The following GALNT7 variants were observed in gnomAD, a reference collection of about 807,000 sequenced individuals.
The protein encoded by GALNT7 is N-acetylgalactosaminyltransferase 7.
Under a neutral mutation model 82.1 loss-of-function variants are expected in GALNT7, and 60 were observed. The observed-to-expected ratio is 0.73, with a 90% CI of 0.59 to 0.91. The LOEUF is 0.91. Ranked by LOEUF, GALNT7 falls within the 40% of genes least tolerant of loss-of-function variation. The pLI, the probability that GALNT7 is intolerant of heterozygous loss-of-function variation, is 0.00. For missense variants in GALNT7, 660 were observed against 804.2 expected (o/e 0.82, Z 2.17); for synonymous variants, 243 against 275.1 (o/e 0.88, Z 1.15).
At chr4:173,234,484 C>T (rs1307197078) in intron 1 of GALNT7, among the ~76,000 whole-genome samples, 1 of 152,218 alleles carries the variant, frequency 6.6e-6, no homozygotes, top group African/African-American at 2.4e-5. Flanking sequence ...TTTCCTCTCT[C>T]AGTGAATAGT....
chr4:173,265,877 G>A (rs1735469910), intron 2 of GALNT7, among the ~76,000 whole-genome samples: 1 of 151,960 alleles, frequency 6.6e-6, no homozygotes, highest in African/African-American at 2.4e-5. Context: ...GCATAAGATT[G>A]CACTTTGGGA....
intron 8 of GALNT7, among the ~76,000 whole-genome samples, chr4:173,313,112 C>G (rs952341504): frequency 1.3e-5 from 2 of 152,004 alleles, no homozygotes; most frequent in African/African-American, 4.8e-5. Flanking sequence ...GGAAAATACC[C>G]AGTCCATTTG....
At chr4:173,276,041 C>A (rs1193174447) in intron 2 of GALNT7, among the ~76,000 whole-genome samples, 1 of 152,204 alleles carries the variant, frequency 6.6e-6, no homozygotes, top group Non-Finnish European at 1.5e-5. Flanking sequence ...GAAAGGCAGA[C>A]CCATCCATTA....
At chr4:173,192,733 T>C (rs1482192710) in intron 1 of GALNT7, among the ~76,000 whole-genome samples, 1 of 152,230 alleles carries the variant, frequency 6.6e-6, no homozygotes, top group Admixed American at 6.5e-5. Flanking sequence ...TCTCCACGTA[T>C]AAAATTTGAA....
At chr4:173,216,723 A>ATT (rs1561157857) in intron 1 of GALNT7, among the ~76,000 whole-genome samples, 2 of 8,464 alleles carry the variant, frequency 2.4e-4, no homozygotes, top group Non-Finnish European at 8.0e-4. Context: ...ATATATATAT[A>ATT]TATATTTTTT....
intron 6 of GALNT7, among the ~76,000 whole-genome samples, chr4:173,301,244 A>G (rs1736920227): frequency 6.6e-6 from 1 of 152,132 alleles, no homozygotes; most frequent in Non-Finnish European, 1.5e-5. Context: ...AGTTACCCTA[A>G]TAATACTGAG....
intron 2 of GALNT7, among the ~76,000 whole-genome samples, chr4:173,280,115 G>A (rs1736060173): frequency 6.6e-6 from 1 of 152,114 alleles, no homozygotes; most frequent in African/African-American, 2.4e-5. Context: ...TCTTTGTCTT[G>A]AGACTCCTAG....
In GALNT7 at chr4:173,322,487, C is replaced by A. The variant is rs990451474; in HGVS notation, c.*770C>A. ...AAGTTGTGTAGCATTCACTCCCTTA[C>A]CTACTGGCATTCCCAGTGCCCTCTG... On this transcript the variant is annotated 3_prime_UTR_variant, in exon 12 of 12. Coordinates refer to ENST00000265000, the MANE Select transcript of GALNT7 (RefSeq NM_017423.3). 2.0e-5 allele frequency: 3 copies of A among 152,206 alleles called. No individual in the cohort carries two copies. Among genetic ancestry groups the A allele is most frequent in the African/African-American group, 7.2e-5 (3 of 41,452 alleles). 9.4% of individuals were successfully genotyped at this position (152,206 alleles called of 1,614,324 possible).
chr4:173,276,116 C>T (rs1397720820), intron 2 of GALNT7, among the ~76,000 whole-genome samples: 2 of 152,042 alleles, frequency 1.3e-5, no homozygotes, highest in East Asian at 1.9e-4. Flanking sequence ...TTTTTTATTC[C>T]CCTTTTCATT....
chr4:173,246,815 G>C (rs919619953), intron 1 of GALNT7, among the ~76,000 whole-genome samples: 1 of 152,086 alleles, frequency 6.6e-6, no homozygotes, highest in Non-Finnish European at 1.5e-5. Flanking sequence ...ATTTTGGTCG[G>C]GTGGTGCTAA....
At chr4:173,321,158 C>T (rs755892838) in intron 11 of GALNT7, among the ~76,000 whole-genome samples, 1 of 152,050 alleles carries the variant, frequency 6.6e-6, no homozygotes, top group Admixed American at 6.6e-5. Flanking sequence ...TCTGCAGTGG[C>T]GATGGGAAGG....
At chr4:173,255,696 G>T (rs1735012091) in intron 2 of GALNT7, among the ~76,000 whole-genome samples, 1 of 152,100 alleles carries the variant, frequency 6.6e-6, no homozygotes, top group Admixed American at 6.5e-5. Context: ...TCCTCCTAGA[G>T]CATCTCAGTG....
chr4:173,310,720 A>C (rs1283288365), intron 8 of GALNT7, among the ~76,000 whole-genome samples: 1 of 151,980 alleles, frequency 6.6e-6, no homozygotes, highest in South Asian at 2.1e-4. Context: ...TCCTCATCTA[A>C]TTTTTTTATG....
chr4:173,213,821 A>G (rs560968374), intron 1 of GALNT7, among the ~76,000 whole-genome samples: 3 of 152,242 alleles, frequency 2.0e-5, no homozygotes, highest in African/African-American at 7.2e-5. Flanking sequence ...GCTGGCCATT[A>G]TGTTTTTACC....
chr4:173,296,864 C>T (rs1426735414), intron 5 of GALNT7, among the ~76,000 whole-genome samples: 4 of 152,202 alleles, frequency 2.6e-5, no homozygotes, highest in African/African-American at 9.6e-5. Context: ...CCCTCCAGTT[C>T]ACACTCTGGA....
Position 173,295,747 on chromosome 4 carries a change from T to A in GALNT7, c.886-17T>A. 1 of 1,546,968 alleles carries A rather than the reference T, an allele frequency of 6.5e-7. No homozygotes were observed. Among genetic ancestry groups the A allele is most frequent in the Non-Finnish European group, 8.9e-7 (1 of 1,119,188 alleles). On this transcript the variant is annotated splice_polypyrimidine_tract_variant and intron_variant, in intron 4 of 11. Coordinates refer to ENST00000265000, the MANE Select transcript of GALNT7 (RefSeq NM_017423.3). ...CGTATATGAGGAGTATTCTTTCACCTGCCTCTTTTTTTTAAGGTTTTGATA... is the reference window on the plus strand; with the variant it reads ...CGTATATGAGGAGTATTCTTTCACCAGCCTCTTTTTTTTAAGGTTTTGATA...
At chr4:173,268,632 G>A (rs1009871335) in intron 2 of GALNT7, among the ~76,000 whole-genome samples, 1 of 128,974 alleles carries the variant, frequency 7.8e-6, no homozygotes, top group Non-Finnish European at 1.6e-5. Context: ...CCAGGTTCAC[G>A]CCATTCTCCT....
At position 173,227,001 on chromosome 4, in the gene GALNT7, A is replaced by T. The variant is rs371117183; in HGVS notation, c.127-20979A>T. 9.2e-5 allele frequency among the ~76,000 whole-genome samples: 14 copies of T among 152,286 alleles called. No individual in the cohort carries two copies. The East Asian group carries it at 2.5e-3, about 27-fold the overall frequency. Reference sequence around the variant, plus strand: ...ATTTTCTTTGGTTAATAATTTTTCTAAACTGGAAATGAAATGCCTTAAAAT... The same window carrying T: ...ATTTTCTTTGGTTAATAATTTTTCTTAACTGGAAATGAAATGCCTTAAAAT... On this transcript the variant is annotated intron_variant, in intron 1 of 11. Transcript: ENST00000265000.
At chr4:173,175,405 C>A (rs1303481179) in intron 1 of GALNT7, among the ~76,000 whole-genome samples, 1 of 152,150 alleles carries the variant, frequency 6.6e-6, no homozygotes, top group Non-Finnish European at 1.5e-5. Flanking sequence ...ACTCTTTGTC[C>A]AAGTTTATTC....
Sources: allele counts gnomAD v4.1 joint callset (sites outside exome capture counted in the v4.1 genomes callset), GRCh38; gene constraint gnomAD v4.1.1; transcripts MANE v1.5; gene names NCBI Gene and HGNC (gene_info 2026-07-23, HGNC 2026-07-21).